DLGAP4: variants seen among roughly 807,000 people sequenced by gnomAD.
DLGAP4 encodes DLG associated protein 4.
Under a neutral mutation model 86.9 loss-of-function variants are expected in DLGAP4, and 18 were observed. That is an observed-to-expected ratio of 0.21 (90% confidence interval 0.14 to 0.31). The LOEUF (loss-of-function observed/expected upper bound fraction) is 0.31. Among genes scored for constraint, DLGAP4 ranks in the 10% least tolerant of loss-of-function variants. The probability of loss-of-function intolerance (pLI) is 1.00; values close to 1 mark genes in which losing one functional copy is unlikely to be tolerated. For synonymous variants in DLGAP4, 548 were observed against 574.3 expected (o/e 0.95, Z 0.65); for missense variants, 1,085 against 1,362.6 (o/e 0.80, Z 3.21).
At chr20:36,467,791 T>A (rs2034483154) in intron 7 of DLGAP4, among the ~76,000 whole-genome samples, 1 of 152,246 alleles carries the variant, frequency 6.6e-6, no homozygotes, top group Admixed American at 6.5e-5. Context: ...TCTGAGCACA[T>A]TTCTTGTACA....
chr20:36,368,369 GAT>G (rs2030777461), intron 2 of DLGAP4, among the ~76,000 whole-genome samples: 1 of 152,262 alleles, frequency 6.6e-6, no homozygotes, highest in Admixed American at 6.5e-5. Context: ...GAAGGGAAAA[GAT>G]TCGTAAATAT....
chr20:36,309,961 G>A (rs1171075945), intron 1 of DLGAP4, among the ~76,000 whole-genome samples: 1 of 152,188 alleles, frequency 6.6e-6, no homozygotes, highest in Non-Finnish European at 1.5e-5. Flanking sequence ...GCTTCATAAA[G>A]GACATGCGCT....
At chr20:36,429,398 C>CTTTTTTTTTTTT (rs151254062) in intron 2 of DLGAP4, among the ~76,000 whole-genome samples, 11 of 76,032 alleles carry the variant, frequency 1.4e-4, no homozygotes, top group Non-Finnish European at 1.7e-4. Flanking sequence ...TTCTTTTTTT[C>CTTTTTTTTTTTT]TTTTTTTTTT....
rs1164348704 is a variant in DLGAP4 at position 36,323,175 on chromosome 20, C to CAAAAA, written c.-304+16687_-304+16691dup. Among the ~76,000 whole-genome samples the CAAAAA allele has an allele frequency of 1.2e-3, 41 of 35,400 alleles. 1 individual carries two copies. The highest frequency in any genetic ancestry group is 2.6e-3 in the African/African-American group (40 of 15,368). The allele number at this position is 35,400 out of a possible 152,430, so 23.2% of individuals were successfully genotyped here. A position where few individuals can be genotyped will look rare whatever the true frequency, so the allele number is the denominator to read the frequency against. On this transcript the variant is annotated intron_variant, in intron 1 of 12. Coordinates refer to ENST00000339266, the MANE Select transcript of DLGAP4 (RefSeq NM_001365621.2). ...CTGGAGTGACACAGAGACCCTATCTCAAAAAAAAAAAAAAAAAAAAAAAAA... is the reference window on the plus strand; with the variant it reads ...CTGGAGTGACACAGAGACCCTATCTCAAAAAAAAAAAAAAAAAAAAAAAAAAAAAA...
chr20:36,442,079 A>G (rs2033462481), intron 5 of DLGAP4, among the ~76,000 whole-genome samples: 1 of 152,210 alleles, frequency 6.6e-6, no homozygotes, highest in Admixed American at 6.5e-5. Context: ...AGCCTGGGGA[A>G]GAGCAGGCTC....
Position 36,527,323 on chromosome 20 carries a change from C to T in DLGAP4, c.*292C>T, listed in dbSNP as rs769641465. 33 of 273,540 alleles carry T rather than the reference C, an allele frequency of 1.2e-4. No homozygotes were observed. The highest frequency in any genetic ancestry group is 2.0e-4 in the Admixed American group (4 of 20,496). 16.9% of individuals were successfully genotyped at this position (273,540 alleles called of 1,614,324 possible). On this transcript the variant is annotated 3_prime_UTR_variant, in exon 13 of 13. Coordinates refer to ENST00000339266, the MANE Select transcript of DLGAP4 (RefSeq NM_001365621.2). ...TAGATAGATGGACGTCGGCAACTCC[C>T]GGCCCAGCCTCCATACTGCGGTCTT... is the stretch of plus-strand genomic sequence containing the variant.
chr20:36,327,647 A>G (rs2065228929), intron 1 of DLGAP4, among the ~76,000 whole-genome samples: 1 of 138,644 alleles, frequency 7.2e-6, no homozygotes, highest in Non-Finnish European at 1.5e-5. Context: ...GCTGGAGTGC[A>G]GTGGCGGGAT....
At chr20:36,479,664 G>A (rs1232269281) in intron 7 of DLGAP4, among the ~76,000 whole-genome samples, 1 of 152,144 alleles carries the variant, frequency 6.6e-6, no homozygotes, top group Non-Finnish European at 1.5e-5. Context: ...TGGAAGCTGA[G>A]CATGGTGTGT....
chr20:36,365,529 T>G (rs577127692), intron 1 of DLGAP4, among the ~76,000 whole-genome samples: 1 of 152,300 alleles, frequency 6.6e-6, no homozygotes, highest in East Asian at 1.9e-4. Context: ...GGAGGCTGCA[T>G]CGTCCTGGAG....
chr20:36,342,027 G>T (rs1440859699), intron 1 of DLGAP4, among the ~76,000 whole-genome samples: 2 of 152,184 alleles, frequency 1.3e-5, no homozygotes, highest in Non-Finnish European at 2.9e-5. Flanking sequence ...GGACAAGAGG[G>T]TTCATTTCCC....
chr20:36,412,264 G>A (rs931518327), intron 2 of DLGAP4, among the ~76,000 whole-genome samples: 5 of 152,234 alleles, frequency 3.3e-5, no homozygotes, highest in South Asian at 2.1e-4. Context: ...TCCAGAATCC[G>A]CCTGCCCTGC....
At chr20:36,437,404 G>A (rs1369440564) in intron 4 of DLGAP4, among the ~76,000 whole-genome samples, 1 of 152,190 alleles carries the variant, frequency 6.6e-6, no homozygotes, top group African/African-American at 2.4e-5. Flanking sequence ...CGGGATCTTG[G>A]TCTTCAGGTT....
Position 36,497,002 on chromosome 20 carries a change from T to G in DLGAP4, c.1946T>G (p.Leu649Arg), listed in dbSNP as rs761272460. 3 of 1,614,112 alleles carry G rather than the reference T, an allele frequency of 1.9e-6. No homozygotes were observed. Among genetic ancestry groups the G allele is most frequent in the Non-Finnish European group, 8.5e-7 (1 of 1,179,996 alleles). The stretch of plus-strand genomic sequence containing the variant: ...GCTCTGAAAAGTGAACAAGGGACGC[T>G]GACCAGCTCTGAGTCCCACCCCGAG... ...HAALKSEQGTLTSSESHPEAA... is the reference protein window; with the variant it reads ...HAALKSEQGTRTSSESHPEAA... Residue 649 changes from leucine (L) to arginine (R), a missense_variant, in exon 8 of 13, where the codon CTG (leucine) becomes CGG (arginine). Coordinates refer to ENST00000339266, the MANE Select transcript of DLGAP4 (RefSeq NM_001365621.2).
chr20:36,307,475 G>A (rs181309772), intron 1 of DLGAP4, among the ~76,000 whole-genome samples: 2 of 152,302 alleles, frequency 1.3e-5, no homozygotes, highest in East Asian at 3.9e-4. Context: ...TCCGCTGCCT[G>A]TGTTGCAGAG....
At chr20:36,434,755 T>C (rs2033224086) in intron 3 of DLGAP4, among the ~76,000 whole-genome samples, 8 of 152,162 alleles carry the variant, frequency 5.3e-5, no homozygotes, top group Admixed American at 5.2e-4. Flanking sequence ...TCCTGGACAT[T>C]ACCTTCCCTT....
At chr20:36,317,010 T>C (rs1200960860) in intron 1 of DLGAP4, among the ~76,000 whole-genome samples, 7 of 152,200 alleles carry the variant, frequency 4.6e-5, no homozygotes, top group Non-Finnish European at 8.8e-5. Context: ...AATAAACTTC[T>C]TGTTCTTTAA....
At chr20:36,379,261 G>A (rs1192397391) in intron 2 of DLGAP4, among the ~76,000 whole-genome samples, 1 of 152,240 alleles carries the variant, frequency 6.6e-6, no homozygotes, top group Admixed American at 6.5e-5. Context: ...GACCCTGGAG[G>A]CCTCGAGGGC....
At chr20:36,379,280 T>C (rs1042235206) in intron 2 of DLGAP4, among the ~76,000 whole-genome samples, 1 of 152,166 alleles carries the variant, frequency 6.6e-6, no homozygotes. Context: ...GCCAGGCCCA[T>C]GGGAGATGCT....
intron 7 of DLGAP4, among the ~76,000 whole-genome samples, chr20:36,495,772 G>A (rs1271871581): frequency 6.6e-6 from 1 of 152,232 alleles, no homozygotes; most frequent in African/African-American, 2.4e-5. Flanking sequence ...CACTGTACGG[G>A]TTTCACATAA....
Sources: gnomAD v4.1 joint callset for allele counts (sites outside exome capture counted in the v4.1 genomes callset) on GRCh38, gnomAD v4.1.1 for gene constraint, MANE v1.5 for transcripts, NCBI Gene and HGNC (gene_info 2026-07-23, HGNC 2026-07-21) for gene names.